Variants in NCOA1 observed in about 807,000 individuals in gnomAD.
NCOA1 encodes nuclear receptor coactivator 1.
A neutral mutation model predicts 150.9 loss-of-function variants in NCOA1; 35 were observed. The observed-to-expected ratio is 0.23, with a 90% CI of 0.18 to 0.31. The LOEUF (loss-of-function observed/expected upper bound fraction) is 0.31. Among genes scored for constraint, NCOA1 ranks in the 10% least tolerant of loss-of-function variants. The probability of loss-of-function intolerance (pLI) is 1.00; values close to 1 mark genes in which losing one functional copy is unlikely to be tolerated. For missense variants in NCOA1, 1,491 were observed against 1,749.3 expected, an observed-to-expected ratio of 0.85 and a Z score of 2.63; for synonymous variants, 590 against 630.0, an observed-to-expected ratio of 0.94 and a Z score of 0.95.
chr2:24,511,531 A>G (rs1047826092), intron 1 of NCOA1, among the ~76,000 whole-genome samples: 1 of 152,186 alleles, frequency 6.6e-6, no homozygotes, highest in African/African-American at 2.4e-5. Context: ...ATTTTCCTTG[A>G]AGAAATGTCT....
intron 21 of NCOA1, among the ~76,000 whole-genome samples, chr2:24,759,747 C>T (rs1487767301): frequency 6.6e-6 from 1 of 151,868 alleles, no homozygotes; most frequent in Non-Finnish European, 1.5e-5. Flanking sequence ...ATTATATCAC[C>T]TCTATATCAC....
intron 3 of NCOA1, among the ~76,000 whole-genome samples, chr2:24,602,576 C>T (rs1307243118): frequency 1.3e-5 from 2 of 151,880 alleles, no homozygotes; most frequent in African/African-American, 4.8e-5. Context: ...TTGAATATTT[C>T]TTTAGGTAAT....
chr2:24,687,754 C>G (rs755513826), intron 8 of NCOA1, among the ~76,000 whole-genome samples: 1 of 152,138 alleles, frequency 6.6e-6, no homozygotes, highest in African/African-American at 2.4e-5. Flanking sequence ...ACCTCTCTCC[C>G]TCAACACATG....
intron 14 of NCOA1, among the ~76,000 whole-genome samples, chr2:24,713,277 TA>T (rs887539481): frequency 6.6e-6 from 1 of 151,166 alleles, no homozygotes; most frequent in Non-Finnish European, 1.5e-5. Flanking sequence ...AAATTTAATT[TA>T]AAAAAATAAA....
intron 2 of NCOA1, among the ~76,000 whole-genome samples, chr2:24,565,641 C>T (rs1464733625): frequency 6.6e-6 from 1 of 152,190 alleles, no homozygotes; most frequent in Non-Finnish European, 1.5e-5. Context: ...TTTGCTTGGG[C>T]CCAGTGGGCC....
chr2:24,616,375 A>G (rs999864851), intron 3 of NCOA1, among the ~76,000 whole-genome samples: 1 of 152,180 alleles, frequency 6.6e-6, no homozygotes, highest in African/African-American at 2.4e-5. Flanking sequence ...ATTTCTTTCC[A>G]TCTTTCTCCA....
At chr2:24,523,859 G>A (rs1463729012) in intron 1 of NCOA1, among the ~76,000 whole-genome samples, 5 of 142,268 alleles carry the variant, frequency 3.5e-5, no homozygotes, top group Admixed American at 2.9e-4. Context: ...CCAGGAGGTG[G>A]AGGGTACAGT....
chr2:24,591,539 C>T (rs144901681), intron 3 of NCOA1, among the ~76,000 whole-genome samples: 3 of 152,242 alleles, frequency 2.0e-5, no homozygotes, highest in Non-Finnish European at 2.9e-5. Context: ...GAATATCTGC[C>T]ATCTGTAGCT....
intron 20 of NCOA1, among the ~76,000 whole-genome samples, chr2:24,755,793 C>CT (rs1664467686): frequency 6.6e-6 from 1 of 152,172 alleles, no homozygotes; most frequent in East Asian, 1.9e-4. Context: ...AAATTAAGCT[C>CT]TAAATTTTTT....
At chr2:24,637,077 CTTT>C (rs962970779) in intron 3 of NCOA1, among the ~76,000 whole-genome samples, 2 of 150,166 alleles carry the variant, frequency 1.3e-5, no homozygotes, top group Non-Finnish European at 1.5e-5. Context: ...TTTTTAAAAT[CTTT>C]TTTTTATTAT....
In NCOA1 at chr2:24,739,539, G is replaced by A; in HGVS notation, c.3303+6G>A. 6.2e-7 allele frequency: 1 copy of A among 1,601,588 alleles called. No homozygotes were observed. Among genetic ancestry groups the A allele is most frequent in the South Asian group, 1.1e-5 (1 of 90,818 alleles). Reference sequence around the variant, plus strand: ...AACAGCAAATTACACCTCAGGTAATGTGAGAAAACCAGACGTCATTAGTAC... The same window carrying A: ...AACAGCAAATTACACCTCAGGTAATATGAGAAAACCAGACGTCATTAGTAC... On this transcript the variant is annotated splice_donor_region_variant and intron_variant, in intron 18 of 22. Transcript: ENST00000348332.
At chr2:24,606,063 AG>A (rs569156963) in intron 3 of NCOA1, among the ~76,000 whole-genome samples, 140 of 152,300 alleles carry the variant, frequency 9.2e-4, no homozygotes, top group Admixed American at 2.4e-3. Context: ...TTATGAAGCA[AG>A]GAGGTTCTCT....
chr2:24,602,286 G>A (rs1223839580), intron 3 of NCOA1, among the ~76,000 whole-genome samples: 3 of 152,098 alleles, frequency 2.0e-5, no homozygotes, highest in East Asian at 1.9e-4. Flanking sequence ...CTGCAGCCTC[G>A]ACCTCCCAGG....
intron 14 of NCOA1, among the ~76,000 whole-genome samples, chr2:24,714,049 A>C (rs756697295): frequency 5.3e-5 from 8 of 152,190 alleles, no homozygotes; most frequent in Non-Finnish European, 1.0e-4. Context: ...ACCAGAACTC[A>C]CACAAGATTG....
intron 3 of NCOA1, among the ~76,000 whole-genome samples, chr2:24,592,512 TGCTGTA>T (rs752711210): frequency 4.6e-5 from 7 of 152,052 alleles, no homozygotes; most frequent in Non-Finnish European, 1.0e-4. Flanking sequence ...TACTCCTTGT[TGCTGTA>T]GCTTCATTTG....
intron 1 of NCOA1, among the ~76,000 whole-genome samples, chr2:24,527,701 CAT>C (rs1378532406): frequency 2.6e-5 from 4 of 152,166 alleles, no homozygotes; most frequent in African/African-American, 7.2e-5. Context: ...TTGCCTGAGT[CAT>C]GTGGTAATTC....
intron 17 of NCOA1, among the ~76,000 whole-genome samples, chr2:24,730,801 G>A (rs1296089970): frequency 6.6e-6 from 1 of 150,446 alleles, no homozygotes; most frequent in East Asian, 2.0e-4. Context: ...CAAGGCGGGT[G>A]GATCACTTGA....
At chr2:24,649,707 A>G (rs1238354794) in intron 4 of NCOA1, among the ~76,000 whole-genome samples, 1 of 152,212 alleles carries the variant, frequency 6.6e-6, no homozygotes, top group Non-Finnish European at 1.5e-5. Context: ...TTTAAAACTA[A>G]TTTGGTTTTC....
chr2:24,516,495 C>CT (rs1222102360), intron 1 of NCOA1, among the ~76,000 whole-genome samples: 13 of 146,678 alleles, frequency 8.9e-5, no homozygotes, highest in African/African-American at 1.7e-4. Flanking sequence ...CCCGGCCCGC[C>CT]TTTTTTTTTT....
Sources: allele counts gnomAD v4.1 joint callset (sites outside exome capture counted in the v4.1 genomes callset), GRCh38; gene constraint gnomAD v4.1.1; transcripts MANE v1.5; gene names NCBI Gene and HGNC (gene_info 2026-07-23, HGNC 2026-07-21).